The following ZNRF3 variants were observed in gnomAD, a reference collection of about 807,000 sequenced individuals.
ZNRF3 encodes zinc and ring finger 3.
Under a neutral mutation model 72.5 loss-of-function variants are expected in ZNRF3, and 23 were observed. The ratio of observed to expected loss-of-function variants is 0.32; its 90% confidence interval spans 0.23 to 0.45. ZNRF3 has a LOEUF of 0.45. Ranked by LOEUF, ZNRF3 falls within the 20% of genes least tolerant of loss-of-function variation. ZNRF3 has a pLI of 1.00. For missense variants in ZNRF3, 1,169 were observed against 1,272.1 expected, an observed-to-expected ratio of 0.92 and a Z score of 1.23; for synonymous variants, 610 against 545.3, an observed-to-expected ratio of 1.12 and a Z score of -1.65.
At chr22:28,884,303 G>A (rs1329484074) in intron 1 of ZNRF3, among the ~76,000 whole-genome samples, 2 of 152,124 alleles carry the variant, frequency 1.3e-5, no homozygotes, top group Admixed American at 1.3e-4. Flanking sequence ...CGGGGCGGGA[G>A]GGGCATCCTG....
intron 1 of ZNRF3, among the ~76,000 whole-genome samples, chr22:28,935,799 G>A (rs1459573800): frequency 6.6e-6 from 1 of 151,946 alleles, no homozygotes. Flanking sequence ...CCAGCAGCAA[G>A]GTAATTCTCT....
At chr22:28,903,579 C>T (rs2034150245) in intron 1 of ZNRF3, among the ~76,000 whole-genome samples, 1 of 152,060 alleles carries the variant, frequency 6.6e-6, no homozygotes, top group Non-Finnish European at 1.5e-5. Context: ...TAAATCCCCT[C>T]CCCATCCTGA....
At chr22:29,044,646 A>T in intron 4 of ZNRF3, 134 bp from the exon 5 acceptor site, 1 of 676,806 alleles carries the variant, frequency 1.5e-6, no homozygotes, top group East Asian at 2.7e-5. Flanking sequence ...GCAGAACCCC[A>T]GGAGTTTCCT....
chr22:28,972,510 C>A (rs950296412), intron 1 of ZNRF3, among the ~76,000 whole-genome samples: 1 of 152,164 alleles, frequency 6.6e-6, no homozygotes, highest in African/African-American at 2.4e-5. Flanking sequence ...TTCCATTCAT[C>A]GGCTGATGGA....
At chr22:28,925,398 T>C (rs1216551708) in intron 1 of ZNRF3, among the ~76,000 whole-genome samples, 1 of 152,210 alleles carries the variant, frequency 6.6e-6, no homozygotes, top group Non-Finnish European at 1.5e-5. Context: ...CTGGTGTCAT[T>C]CTAAGCTGTT....
intron 1 of ZNRF3, among the ~76,000 whole-genome samples, chr22:28,976,748 A>G (rs1439896263): frequency 6.6e-6 from 1 of 152,196 alleles, no homozygotes; most frequent in African/African-American, 2.4e-5. Context: ...GTAGAGAACA[A>G]TACTTGTCAT....
At chr22:28,907,138 A>T (rs1236408319) in intron 1 of ZNRF3, among the ~76,000 whole-genome samples, 2 of 145,794 alleles carry the variant, frequency 1.4e-5, no homozygotes, top group Non-Finnish European at 3.0e-5. Context: ...ACACGCCGCC[A>T]CGCCCGTCCA....
chr22:28,912,632 T>C (rs1010176895), intron 1 of ZNRF3, among the ~76,000 whole-genome samples: 1 of 151,598 alleles, frequency 6.6e-6, no homozygotes, highest in Non-Finnish European at 1.5e-5. Flanking sequence ...ACCGTCCATC[T>C]AGGCTCAGGG....
intron 2 of ZNRF3, among the ~76,000 whole-genome samples, chr22:29,028,334 T>C (rs1164634197): frequency 6.6e-6 from 1 of 152,130 alleles, no homozygotes; most frequent in African/African-American, 2.4e-5. Flanking sequence ...ATGAGTGTGA[T>C]AGGCAGCAAG....
chr22:28,933,012 A>G (rs1048309628), intron 1 of ZNRF3, among the ~76,000 whole-genome samples: 43 of 152,374 alleles, frequency 2.8e-4, no homozygotes, highest in African/African-American at 1.0e-3. Context: ...CAAGGTTTGT[A>G]TTAGGATGAA....
intron 1 of ZNRF3, among the ~76,000 whole-genome samples, chr22:28,893,909 A>C: frequency 6.6e-6 from 1 of 152,234 alleles, no homozygotes; most frequent in South Asian, 2.1e-4. Flanking sequence ...GGAGTGGTCT[A>C]GTTTATACAC....
chr22:28,900,927 G>A (rs554256092), intron 1 of ZNRF3, among the ~76,000 whole-genome samples: 45 of 152,010 alleles, frequency 3.0e-4, no homozygotes, highest in South Asian at 1.7e-3. Context: ...GCGACATAGC[G>A]AGACTGTTCC....
At chr22:29,012,513 A>G (rs1250016853) in intron 2 of ZNRF3, among the ~76,000 whole-genome samples, 1 of 152,194 alleles carries the variant, frequency 6.6e-6, no homozygotes, top group African/African-American at 2.4e-5. Context: ...AAGGCAGTTG[A>G]GTAGAGCTCT....
chr22:29,006,283 G>A (rs536011942), intron 2 of ZNRF3, among the ~76,000 whole-genome samples: 4 of 137,124 alleles, frequency 2.9e-5, no homozygotes, highest in Admixed American at 1.7e-4. Flanking sequence ...GCACAATCTC[G>A]GCTCACCGCA....
In ZNRF3 at chr22:28,989,142, G is replaced by A. The variant is rs999097801; in HGVS notation, c.426+1941G>A. Among the ~76,000 whole-genome samples, 3 of 152,200 alleles carry A rather than the reference G, an allele frequency of 2.0e-5. No homozygotes were observed. The South Asian group carries it at 6.2e-4, about 32-fold the overall frequency. On this transcript the variant is annotated intron_variant, in intron 2 of 8. Transcript: ENST00000544604. The stretch of plus-strand genomic sequence containing the variant: ...CAGGGGCCCAGAAGCTGAGCATGTG[G>A]TTCTACCTGCTTGCAAGCAGCAGCC...
At chr22:29,002,804 C>T (rs1187105683) in intron 2 of ZNRF3, among the ~76,000 whole-genome samples, 3 of 152,180 alleles carry the variant, frequency 2.0e-5, no homozygotes, top group Non-Finnish European at 4.4e-5. Flanking sequence ...GACTCCAGGC[C>T]ACTCAGCCTT....
Position 29,049,667 on chromosome 22 carries a change from G to T in ZNRF3, c.1486G>T (p.Ala496Ser). Residue 496 changes from alanine to serine, a missense_variant, in exon 8 of 9, where the codon GCC becomes TCC. Physicochemically the swap from Ala to Ser is moderately conservative, Grantham distance 99 (BLOSUM62 1). Coordinates refer to ENST00000544604, the MANE Select transcript of ZNRF3 (RefSeq NM_001206998.2). The surrounding 1 kb of genome is among the most constrained non-coding windows in gnomAD (Gnocchi z 5.2). Reference sequence around the variant, plus strand: ...ACCTAGCCTCGCACCCCGGGGCCCGGCCCGTGCCTTTCCTCCGAGCGGCAG... The same window carrying T: ...ACCTAGCCTCGCACCCCGGGGCCCGTCCCGTGCCTTTCCTCCGAGCGGCAG... ...SPPSLAPRGP[A>S]RAFPPSGSGS... 3 of 1,608,980 alleles carry T rather than the reference G, an allele frequency of 1.9e-6. No homozygotes were observed. Among genetic ancestry groups the T allele is most frequent in the East Asian group, 2.2e-5 (1 of 44,838 alleles).
At chr22:28,991,152 C>G (rs1223835636) in intron 2 of ZNRF3, among the ~76,000 whole-genome samples, 1 of 151,454 alleles carries the variant, frequency 6.6e-6, no homozygotes, top group Non-Finnish European at 1.5e-5. Context: ...CATGGTGGTG[C>G]ATGCCTGTGG....
intron 1 of ZNRF3, among the ~76,000 whole-genome samples, chr22:28,959,918 G>A (rs2035326440): frequency 6.6e-6 from 1 of 152,178 alleles, no homozygotes; most frequent in South Asian, 2.1e-4. Context: ...CTGCCTCAGT[G>A]GCACCTTGAT....
Sources: allele counts gnomAD v4.1 joint callset (sites outside exome capture counted in the v4.1 genomes callset), GRCh38; gene constraint gnomAD v4.1.1; non-coding constraint Gnocchi (gnomAD v3.1); transcripts MANE v1.5; gene names NCBI Gene and HGNC (gene_info 2026-07-23, HGNC 2026-07-21).